The following DTNB variants were observed in gnomAD, a reference collection of about 807,000 sequenced individuals.
DTNB encodes dystrobrevin beta, also known as DTN-B.
Under a neutral mutation model 90.7 loss-of-function variants are expected in DTNB, and 63 were observed. That is an observed-to-expected ratio of 0.69 (90% CI 0.57 to 0.86). The LOEUF (loss-of-function observed/expected upper bound fraction) is 0.86. Among genes scored for constraint, DTNB ranks in the 40% least tolerant of loss-of-function variants. The pLI is 0.00. For missense variants in DTNB, 744 were observed against 807.1 expected, an observed-to-expected ratio of 0.92 and a Z score of 0.95; for synonymous variants, 277 against 286.7, an observed-to-expected ratio of 0.97 and a Z score of 0.34.
At chr2:25,581,033 C>T (rs146829722) in intron 6 of DTNB, among the ~76,000 whole-genome samples, 4 of 152,286 alleles carry the variant, frequency 2.6e-5, no homozygotes, top group African/African-American at 7.2e-5. Context: ...TTCCCATATA[C>T]ATTATTTTAT....
intron 9 of DTNB, among the ~76,000 whole-genome samples, chr2:25,521,931 C>A (rs982113741): frequency 6.6e-6 from 1 of 152,126 alleles, no homozygotes; most frequent in Admixed American, 6.5e-5. Flanking sequence ...TAAGCCAACA[C>A]GTGAAGTTTT....
intron 9 of DTNB, among the ~76,000 whole-genome samples, chr2:25,510,245 G>T (rs2073647910): frequency 6.7e-6 from 1 of 149,800 alleles, no homozygotes; most frequent in African/African-American, 2.5e-5. Context: ...TTAATTCCTA[G>T]TTTTATTTGA....
intron 8 of DTNB, among the ~76,000 whole-genome samples, chr2:25,546,134 T>G (rs1183530028): frequency 1.3e-5 from 2 of 152,152 alleles, no homozygotes; most frequent in East Asian, 3.9e-4. Flanking sequence ...GACTGTGACT[T>G]GCATCAACCA....
At chr2:25,531,033 C>T (rs2078062608) in intron 9 of DTNB, among the ~76,000 whole-genome samples, 1 of 152,204 alleles carries the variant, frequency 6.6e-6, no homozygotes. Context: ...AGAATATAGT[C>T]TTATGTTTCC....
At chr2:25,634,209 GCCA>G (rs2076537158) in intron 3 of DTNB, among the ~76,000 whole-genome samples, 1 of 127,906 alleles carries the variant, frequency 7.8e-6, no homozygotes, top group Non-Finnish European at 1.8e-5. Context: ...CCTCTGCCCG[GCCA>G]GCCGCCCTGT....
chr2:25,564,287 AT>A (rs1349741246), intron 8 of DTNB, among the ~76,000 whole-genome samples: 3 of 152,192 alleles, frequency 2.0e-5, no homozygotes, highest in Non-Finnish European at 2.9e-5. Flanking sequence ...ACTGCACTGA[AT>A]CTGTAGATGA....
chr2:25,640,859 A>C (rs2078137185), intron 2 of DTNB, among the ~76,000 whole-genome samples: 1 of 152,008 alleles, frequency 6.6e-6, no homozygotes, highest in Non-Finnish European at 1.5e-5. Context: ...ACAAAAAATT[A>C]GCCGGGTGAG....
At chr2:25,392,986 A>C (rs1285973652) in intron 16 of DTNB, among the ~76,000 whole-genome samples, 1 of 152,204 alleles carries the variant, frequency 6.6e-6, no homozygotes, top group Non-Finnish European at 1.5e-5. Context: ...CAAATCCTCA[A>C]AAAAATACTA....
intron 6 of DTNB, among the ~76,000 whole-genome samples, chr2:25,586,163 A>C (rs1572964805): frequency 6.6e-6 from 1 of 152,322 alleles, no homozygotes; most frequent in South Asian, 2.1e-4. Flanking sequence ...TTTCATTAGA[A>C]TTCAAACCAA....
intron 9 of DTNB, among the ~76,000 whole-genome samples, chr2:25,493,440 A>G (rs892416555): frequency 1.3e-5 from 2 of 152,110 alleles, no homozygotes; most frequent in African/African-American, 4.8e-5. Context: ...CAAATGTAAA[A>G]CCCACCCTAT....
Position 25,455,420 on chromosome 2 carries a change from A to C in DTNB, c.1154T>G (p.Leu385Arg), listed in dbSNP as rs1300848801. ...HALIASYVAR[L>R]QHCARVLDSP... Reference sequence around the variant, plus strand: ...CACCACTGACCGTGCACAGTGCTGCAGACGGGCCACATAGGAGGCTATCAG... The same window carrying C: ...CACCACTGACCGTGCACAGTGCTGCCGACGGGCCACATAGGAGGCTATCAG... The change falls in exon 11 of 21, where the codon CTG (leucine) becomes CGG (arginine). Residue 385 changes from leucine (L) to arginine (R), a missense_variant. Physicochemically the swap from Leu to Arg is moderately radical, Grantham distance 102. Coordinates refer to ENST00000406818, the MANE Select transcript of DTNB (RefSeq NM_021907.5). The C allele has an allele frequency of 6.2e-7, 1 of 1,601,230 alleles. No individual in the cohort carries two copies. Among genetic ancestry groups the C allele is most frequent in the South Asian group, 1.1e-5 (1 of 88,366 alleles).
chr2:25,583,262 A>AAAT (rs1553562291), intron 6 of DTNB, among the ~76,000 whole-genome samples: 9 of 137,488 alleles, frequency 6.5e-5, no homozygotes, highest in African/African-American at 2.2e-4. Context: ...AAAAAAAAAA[A>AAAT]ATATATATAT....
At chr2:25,490,653 A>C (rs1056912389) in intron 9 of DTNB, among the ~76,000 whole-genome samples, 1 of 152,212 alleles carries the variant, frequency 6.6e-6, no homozygotes, top group African/African-American at 2.4e-5. Flanking sequence ...GTATATCCAT[A>C]ATTATAGGAT....
At chr2:25,598,313 GA>G (rs1029725535) in intron 5 of DTNB, among the ~76,000 whole-genome samples, 7 of 151,604 alleles carry the variant, frequency 4.6e-5, no homozygotes, top group African/African-American at 1.5e-4. Flanking sequence ...AATGGTAGGG[GA>G]AAAAAAAGAC....
chr2:25,397,513 G>T (rs1328131955), intron 16 of DTNB, among the ~76,000 whole-genome samples: 3 of 152,118 alleles, frequency 2.0e-5, no homozygotes, highest in African/African-American at 7.2e-5. Context: ...TTTCGAGTTT[G>T]CCTGGAAATG....
chr2:25,672,947 G>C (rs1287539608), intron 1 of DTNB: 1 of 153,206 alleles, frequency 6.5e-6, no homozygotes, highest in African/African-American at 2.4e-5. Flanking sequence ...GGGGTGATCT[G>C]AAATAAATAC....
At chr2:25,633,833 G>C (rs2076361970) in intron 3 of DTNB, among the ~76,000 whole-genome samples, 2 of 150,938 alleles carry the variant, frequency 1.3e-5, no homozygotes, top group Non-Finnish European at 3.0e-5. Flanking sequence ...CACCCCGTCT[G>C]GGATGTGAGG....
chr2:25,471,947 A>G (rs2062890265), intron 10 of DTNB, among the ~76,000 whole-genome samples: 1 of 152,242 alleles, frequency 6.6e-6, no homozygotes, highest in Non-Finnish European at 1.5e-5. Context: ...CATAATATGT[A>G]TAAAATAGAG....
At chr2:25,658,627 C>A (rs1309815878) in intron 1 of DTNB, among the ~76,000 whole-genome samples, 1 of 152,134 alleles carries the variant, frequency 6.6e-6, no homozygotes, top group Non-Finnish European at 1.5e-5. Context: ...CATGGGGGAA[C>A]CTTAAATGCA....
Sources: gnomAD v4.1 joint callset for allele counts (sites outside exome capture counted in the v4.1 genomes callset) on GRCh38, gnomAD v4.1.1 for gene constraint, MANE v1.5 for transcripts, NCBI Gene and HGNC (gene_info 2026-07-23, HGNC 2026-07-21) for gene names.